RBBP8: variants seen among roughly 807,000 people sequenced by gnomAD.
RBBP8 encodes DNA endonuclease RBBP8.
In RBBP8, 88 loss-of-function variants were observed where a neutral mutation model predicts 108.3. That is an observed-to-expected ratio of 0.81 (90% confidence interval 0.68 to 0.97). The LOEUF is 0.97. Among genes scored for constraint, RBBP8 ranks in the 50% least tolerant of loss-of-function variants. The pLI is 0.00. For synonymous variants in RBBP8, 332 were observed against 348.2 expected, an observed-to-expected ratio of 0.95 and a Z score of 0.52; for missense variants, 1,023 against 1,049.0, an observed-to-expected ratio of 0.98 and a Z score of 0.34.
chr18:22,986,543 G>C (rs548902358), intron 8 of RBBP8, among the ~76,000 whole-genome samples: 3 of 152,104 alleles, frequency 2.0e-5, no homozygotes, highest in Non-Finnish European at 4.4e-5. Flanking sequence ...AGAAGAACAT[G>C]GGTCAAGGGA....
intron 15 of RBBP8, among the ~76,000 whole-genome samples, chr18:23,005,751 T>C (rs913610443): frequency 1.3e-5 from 2 of 152,212 alleles, no homozygotes; most frequent in Middle Eastern, 3.2e-3. Context: ...TGTTCTTTCT[T>C]GTCAAATGAT....
At position 22,982,506 on chromosome 18, in the gene RBBP8, A is replaced by G; in HGVS notation, c.604+113A>G. 3 of 1,565,980 alleles carry G rather than the reference A, an allele frequency of 1.9e-6. No homozygotes were observed. In the South Asian group the frequency reaches 3.4e-5, roughly 18 times the overall value. On this transcript the variant is annotated intron_variant, in intron 7 of 18. Coordinates refer to ENST00000327155, the MANE Select transcript of RBBP8 (RefSeq NM_002894.3). ...AAGATAGTCACTATTCTGGTATCCC[A>G]TGGTACAACTATGAGTTTAACTTCT...
rs189359774 is a variant in RBBP8, at chr18:22,945,574, G to T, written c.110-870G>T. On this transcript the variant is annotated intron_variant, in intron 2 of 18. Coordinates refer to ENST00000327155, the MANE Select transcript of RBBP8 (RefSeq NM_002894.3). The stretch of plus-strand genomic sequence containing the variant: ...AATTTTGTCTTTTTATTAGAGACGG[G>T]GTTTCTCCACGTTGATCGGGCTGGT... Among the ~76,000 whole-genome samples the T allele has an allele frequency of 2.7e-4, 41 of 151,988 alleles. No individual in the cohort carries two copies. In the East Asian group the frequency reaches 5.6e-3, roughly 21 times the overall value.
chr18:22,962,296 C>T (rs1050350514), intron 4 of RBBP8, among the ~76,000 whole-genome samples: 3 of 152,054 alleles, frequency 2.0e-5, no homozygotes, highest in Non-Finnish European at 2.9e-5. Context: ...GCCTCCTTGA[C>T]ATTTCTTTAA....
chr18:22,940,578 C>G (rs1432926271), intron 2 of RBBP8, among the ~76,000 whole-genome samples: 1 of 152,002 alleles, frequency 6.6e-6, no homozygotes, highest in African/African-American at 2.4e-5. Context: ...CCTCAGCCTC[C>G]CAAAGTGCTG....
In RBBP8 at chr18:23,000,867, C is replaced by G. The variant is rs144250114; in HGVS notation, c.2144-719C>G. On this transcript the variant is annotated intron_variant, in intron 14 of 18. Transcript: ENST00000327155. ...CATACACAGATTACAAGAATTAAAC[C>G]TCATTATAAGAATCATGATTTAAGA... Among the ~76,000 whole-genome samples the G allele has an allele frequency of 5.9e-3, 893 of 152,156 alleles. 9 individuals carry two copies. Among genetic ancestry groups the G allele is most frequent in the South Asian group, 0.028 (137 of 4,810 alleles).
At chr18:22,944,685 G>A (rs1441070115) in intron 2 of RBBP8, among the ~76,000 whole-genome samples, 1 of 151,966 alleles carries the variant, frequency 6.6e-6, no homozygotes, top group African/African-American at 2.4e-5. Context: ...GCATAGAATC[G>A]AAGATAAAAT....
chr18:22,975,156 A>G lies in RBBP8; in HGVS notation c.365A>G (p.Asn122Ser). Residue 122 changes from asparagine to serine, a missense_variant, in exon 6 of 19, where the codon AAT (asparagine) becomes AGT (serine). Physicochemically the swap from Asn to Ser is conservative, Grantham distance 46 (BLOSUM62 1). Coordinates refer to ENST00000327155, the MANE Select transcript of RBBP8 (RefSeq NM_002894.3). ...QNLKLITELM[N>S]ERNTLQEENK... ...TCTTTTTCACATTGTTTTTAAGTGA[A>G]TGAAAGGAATACTCTACAGGAAGAA... 1.2e-6 allele frequency: 2 copies of G among 1,610,832 alleles called. No homozygotes were observed. Among genetic ancestry groups the G allele is most frequent in the Middle Eastern group, 1.7e-4 (1 of 6,012 alleles).
intron 7 of RBBP8, 103 bp from the exon 8 acceptor site, chr18:22,984,783 G>A (rs2144666676): frequency 1.5e-6 from 1 of 652,592 alleles, no homozygotes; most frequent in Non-Finnish European, 2.6e-6. Context: ...TTTAAATACA[G>A]ATAATACATA....
rs751116713 is a variant in RBBP8 at position 22,992,868 on chromosome 18, CCCTTCTCTTT to C, written c.1042_1051del (p.Pro348TyrfsTer9). On this transcript the variant is annotated frameshift_variant, in exon 11 of 19. Transcript: ENST00000327155. LOFTEE classifies it high-confidence loss of function. ...GTTTAGATTTGAATACAAGTTTGTC[CCCTTCTCTTT>C]TACAGCCTGGGAAAAAAAAACATCT... 6.2e-7 allele frequency: 1 copy of C among 1,613,810 alleles called. No homozygotes were observed. Among genetic ancestry groups the C allele is most frequent in the Non-Finnish European group, 8.5e-7 (1 of 1,179,884 alleles).
chr18:23,010,954 A>T (rs572441449), intron 16 of RBBP8, among the ~76,000 whole-genome samples: 1 of 152,356 alleles, frequency 6.6e-6, no homozygotes, highest in East Asian at 1.9e-4. Context: ...TTCAGAAGAA[A>T]GGATATGGCC....
chr18:22,921,797 T>C (rs1909604482), intron 3 of RBBP8, among the ~76,000 whole-genome samples: 1 of 152,210 alleles, frequency 6.6e-6, no homozygotes, highest in Non-Finnish European at 1.5e-5. Flanking sequence ...CTGAATTTGC[T>C]TGCCAATTTT....
At chr18:22,924,127 G>GTGT (rs1909700504) in intron 3 of RBBP8, among the ~76,000 whole-genome samples, 1 of 108,226 alleles carries the variant, frequency 9.2e-6, no homozygotes, top group Admixed American at 1.2e-4. Context: ...TTTGTTTTTG[G>GTGT]TTTTTTTTTT....
At chr18:22,937,053 A>G (rs1034325894) in intron 2 of RBBP8, 93 bp downstream of exon 2, 2 of 1,563,686 alleles carry the variant, frequency 1.3e-6, no homozygotes, top group African/African-American at 1.4e-5. Context: ...TATTATTTCT[A>G]TTTCAGCTTT....
At chr18:22,989,151 G>A in intron 8 of RBBP8, 70 bp from the exon 9 acceptor site, 1 of 1,049,380 alleles carries the variant, frequency 9.5e-7, no homozygotes, top group Non-Finnish European at 1.4e-6. Context: ...TCATTTTAAT[G>A]TGTCTAGCTT....
chr18:23,022,570 C>G (rs2046363412), intron 18 of RBBP8, among the ~76,000 whole-genome samples: 1 of 128,984 alleles, frequency 7.8e-6, no homozygotes, highest in Non-Finnish European at 1.6e-5. Flanking sequence ...CCATTGCACT[C>G]CAGCCTGGGC....
At chr18:22,928,909 A>C (rs1279136687), upstream of RBBP8, among the ~76,000 whole-genome samples, 1 of 152,126 alleles carries the variant, frequency 6.6e-6, no homozygotes, top group Non-Finnish European at 1.5e-5. Flanking sequence ...ACCTCAAGTG[A>C]TCCAACCACC....
intron 2 of RBBP8, among the ~76,000 whole-genome samples, chr18:22,937,820 T>C (rs1054449715): frequency 5.9e-5 from 9 of 151,500 alleles, no homozygotes; most frequent in Admixed American, 2.0e-4. Context: ...TATTCATGTA[T>C]TTATTTATTT....
intron 17 of RBBP8, among the ~76,000 whole-genome samples, chr18:23,019,314 C>T (rs1302916726): frequency 6.6e-6 from 1 of 152,132 alleles, no homozygotes; most frequent in Non-Finnish European, 1.5e-5. Flanking sequence ...TTCTGTTATC[C>T]AATCTCTGAA....
Sources: gnomAD v4.1 joint callset for allele counts (sites outside exome capture counted in the v4.1 genomes callset) on GRCh38, gnomAD v4.1.1 for gene constraint, MANE v1.5 for transcripts, NCBI Gene and HGNC (gene_info 2026-07-23, HGNC 2026-07-21) for gene names.